CHN2: variants seen among roughly 807,000 people sequenced by gnomAD.
CHN2 encodes the protein beta-chimaerin.
Under a neutral mutation model 56.3 loss-of-function variants are expected in CHN2, and 35 were observed. That is an observed-to-expected ratio of 0.62 (90% CI 0.47 to 0.82). The LOEUF is 0.82. Ranked by LOEUF, CHN2 falls within the 40% of genes least tolerant of loss-of-function variation. The pLI is 0.00. For synonymous variants in CHN2, 210 were observed against 212.8 expected (o/e 0.99, Z 0.12); for missense variants, 491 against 580.5 (o/e 0.85, Z 1.58).
At chr7:29,183,948 G>A (rs1307566991) in intron 2 of CHN2, among the ~76,000 whole-genome samples, 2 of 152,012 alleles carry the variant, frequency 1.3e-5, no homozygotes, top group East Asian at 3.8e-4. Flanking sequence ...GAGTTACATA[G>A]CATTTACATA....
intron 1 of CHN2, among the ~76,000 whole-genome samples, chr7:29,312,543 G>A (rs1452334946): frequency 6.6e-6 from 1 of 152,168 alleles, no homozygotes; most frequent in Non-Finnish European, 1.5e-5. Flanking sequence ...ACCTCACAAT[G>A]TCGATGTGGT....
At chr7:29,167,737 A>G (rs1203485175) in intron 2 of CHN2, among the ~76,000 whole-genome samples, 3 of 152,206 alleles carry the variant, frequency 2.0e-5, no homozygotes, top group Admixed American at 2.0e-4. Flanking sequence ...TGTGAAAGTC[A>G]TTTGTTTTCC....
chr7:29,148,588 C>T (rs142496278), intron 2 of CHN2: 22 of 152,042 alleles, frequency 1.4e-4, no homozygotes, highest in Non-Finnish European at 2.5e-4. Context: ...AAGAAGTAAA[C>T]GTTCAAATGA....
chr7:29,225,942 T>C (rs1333725787), intron 1 of CHN2, among the ~76,000 whole-genome samples: 1 of 152,242 alleles, frequency 6.6e-6, no homozygotes, highest in East Asian at 1.9e-4. Context: ...TGTGTCATTC[T>C]ACTTGAGAAC....
intron 1 of CHN2, among the ~76,000 whole-genome samples, chr7:29,352,012 C>T (rs1188215038): frequency 1.3e-5 from 2 of 152,116 alleles, no homozygotes; most frequent in African/African-American, 2.4e-5. Context: ...GCCAGTGTTT[C>T]AGATGAAACA....
At chr7:29,304,271 T>C (rs982977421) in intron 1 of CHN2, among the ~76,000 whole-genome samples, 5 of 152,154 alleles carry the variant, frequency 3.3e-5, no homozygotes, top group Non-Finnish European at 5.9e-5. Flanking sequence ...CCAACCCAAT[T>C]TGCAGATTGC....
At chr7:29,296,091 T>A (rs1395946226) in intron 1 of CHN2, among the ~76,000 whole-genome samples, 1 of 152,064 alleles carries the variant, frequency 6.6e-6, no homozygotes, top group Non-Finnish European at 1.5e-5. Flanking sequence ...ACCATTTTTT[T>A]TTTTTTTTTT....
intron 11 of CHN2, among the ~76,000 whole-genome samples, chr7:29,508,209 G>T (rs1179796964): frequency 6.6e-6 from 1 of 152,016 alleles, no homozygotes; most frequent in Non-Finnish European, 1.5e-5. Context: ...TCAGCCCGGG[G>T]TTGCTCATTC....
At chr7:29,432,702 T>C (rs1222349565) in intron 6 of CHN2, among the ~76,000 whole-genome samples, 1 of 152,202 alleles carries the variant, frequency 6.6e-6, no homozygotes, top group Non-Finnish European at 1.5e-5. Flanking sequence ...GGACAACAGA[T>C]GTAAAATCAT....
chr7:29,163,142 TAAAA>T (rs1795418372), intron 2 of CHN2, among the ~76,000 whole-genome samples: 1 of 152,048 alleles, frequency 6.6e-6, no homozygotes, highest in Non-Finnish European at 1.5e-5. Flanking sequence ...AATTAAAAAT[TAAAA>T]AAAGATACTC....
At chr7:29,183,726 C>T (rs1798355258) in intron 2 of CHN2, among the ~76,000 whole-genome samples, 2 of 151,526 alleles carry the variant, frequency 1.3e-5, no homozygotes, top group African/African-American at 4.9e-5. Flanking sequence ...GAAAGAGAAC[C>T]AATAAGAGAG....
At chr7:29,203,424 G>T (rs1385142449) in intron 1 of CHN2, among the ~76,000 whole-genome samples, 1 of 129,992 alleles carries the variant, frequency 7.7e-6, no homozygotes, top group African/African-American at 2.9e-5. Flanking sequence ...CAGAGATTGC[G>T]CCATTGCATT....
chr7:29,486,725 T>C (rs1330242259), intron 7 of CHN2, among the ~76,000 whole-genome samples: 1 of 152,154 alleles, frequency 6.6e-6, no homozygotes, highest in Non-Finnish European at 1.5e-5. Flanking sequence ...GCGTGTGCTC[T>C]TGTAGCATGC....
intron 1 of CHN2, among the ~76,000 whole-genome samples, chr7:29,310,393 T>C (rs1481157487): frequency 6.6e-6 from 1 of 152,242 alleles, no homozygotes; most frequent in Non-Finnish European, 1.5e-5. Context: ...TATGATCCTG[T>C]ATTTGCAATT....
intron 6 of CHN2, among the ~76,000 whole-genome samples, chr7:29,462,740 C>T (rs1785254070): frequency 6.6e-6 from 1 of 152,176 alleles, no homozygotes; most frequent in African/African-American, 2.4e-5. Context: ...TCAGGCATCA[C>T]ATAGCATTTC....
intron 1 of CHN2, among the ~76,000 whole-genome samples, chr7:29,336,759 C>CAAAAAAAAAAAAAAAA (rs5883205): frequency 1.5e-5 from 1 of 68,554 alleles, no homozygotes; most frequent in Non-Finnish European, 2.5e-5. Context: ...GATTCTGTCT[C>CAAAAAAAAAAAAAAAA]AAAAAAAAAA....
In CHN2 at chr7:29,371,083, G is replaced by C. The variant is rs553801513; in HGVS notation, c.144+3096G>C. ...GGGTCAAGTGTCCAATACAGTGCCT[G>C]CTGCATAATGGGTACTCAGTTAATG... On this transcript the variant is annotated intron_variant, in intron 3 of 12. Coordinates refer to ENST00000222792, the MANE Select transcript of CHN2 (RefSeq NM_004067.4). 7.9e-5 allele frequency among the ~76,000 whole-genome samples: 12 copies of C among 152,338 alleles called. No individual in the cohort carries two copies. The South Asian group carries it at 2.5e-3, about 32-fold the overall frequency.
intron 7 of CHN2, among the ~76,000 whole-genome samples, chr7:29,494,981 A>AAAT (rs1789108533): frequency 1.5e-5 from 2 of 134,934 alleles, no homozygotes; most frequent in South Asian, 2.4e-4. Context: ...AAAAAAAAAA[A>AAAT]TTGTCTACAT....
intron 1 of CHN2, among the ~76,000 whole-genome samples, chr7:29,265,251 G>A (rs1790042759): frequency 6.6e-6 from 1 of 152,160 alleles, no homozygotes; most frequent in Non-Finnish European, 1.5e-5. Context: ...TCCTGACTGT[G>A]CAGTCTCCCC....
Sources: allele counts gnomAD v4.1 joint callset (sites outside exome capture counted in the v4.1 genomes callset), GRCh38; gene constraint gnomAD v4.1.1; transcripts MANE v1.5; gene names NCBI Gene and HGNC (gene_info 2026-07-23, HGNC 2026-07-21).